Variants in CPNE2 observed in about 807,000 individuals in gnomAD.
CPNE2 encodes copine-2.
Under a neutral mutation model 69.7 loss-of-function variants are expected in CPNE2, and 42 were observed. That is an observed-to-expected ratio of 0.60 (90% CI 0.47 to 0.78). The LOEUF (loss-of-function observed/expected upper bound fraction) is 0.78, where lower values mean the gene tolerates loss of function less well. Ranked by LOEUF, CPNE2 falls within the 30% of genes least tolerant of loss-of-function variation. CPNE2 has a pLI of 0.00. For missense variants in CPNE2, 587 were observed against 732.0 expected, an observed-to-expected ratio of 0.80 and a Z score of 2.29; for synonymous variants, 294 against 289.8, an observed-to-expected ratio of 1.01 and a Z score of -0.15.
chr16:57,097,938 CCAGG>C (rs1441260135), intron 1 of CPNE2, among the ~76,000 whole-genome samples: 1 of 152,168 alleles, frequency 6.6e-6, no homozygotes, highest in Non-Finnish European at 1.5e-5. Flanking sequence ...GAGCTGAGGC[CCAGG>C]AGGGAGGAGT....
chr16:57,126,051 C>T, intron 11 of CPNE2, 58 bp downstream of exon 11: 1 of 1,601,966 alleles, frequency 6.2e-7, no homozygotes, highest in Non-Finnish European at 8.5e-7. Context: ...CTGGGAAGCT[C>T]AGTGTATCAA....
intron 5 of CPNE2, among the ~76,000 whole-genome samples, chr16:57,117,960 C>G (rs978727683): frequency 1.3e-5 from 2 of 152,056 alleles, no homozygotes; most frequent in Non-Finnish European, 1.5e-5. Context: ...AAACGAGGCA[C>G]TCTCCTCCCT....
In CPNE2 at chr16:57,125,186, G is replaced by A. The variant is rs534487286; in HGVS notation, c.928-674G>A. 3.8e-5 allele frequency: 16 copies of A among 418,438 alleles called. No individual in the cohort carries two copies. The East Asian group carries it at 7.9e-4, about 21-fold the overall frequency. 25.9% of individuals were successfully genotyped at this position (418,438 alleles called of 1,614,324 possible). Reference sequence around the variant, plus strand: ...CCAGGGATTGGGCTGGGATTCTCTGGGGCTGAGAGAGCAGGTAGAGCCCTA... The same window carrying A: ...CCAGGGATTGGGCTGGGATTCTCTGAGGCTGAGAGAGCAGGTAGAGCCCTA... On this transcript the variant is annotated intron_variant, in intron 10 of 15. Transcript: ENST00000290776.
At chr16:57,114,083 A>T (rs1300521984) in intron 3 of CPNE2, among the ~76,000 whole-genome samples, 2 of 152,190 alleles carry the variant, frequency 1.3e-5, no homozygotes, top group Non-Finnish European at 2.9e-5. Context: ...CCTAGTGGAG[A>T]CTGAAATGCC....
At position 57,121,720 on chromosome 16, in the gene CPNE2, A is replaced by G; in HGVS notation, c.827A>G (p.Asn276Ser). The G allele has an allele frequency of 6.2e-7, 1 of 1,614,224 alleles. No individual in the cohort carries two copies. Among genetic ancestry groups the G allele is most frequent in the Non-Finnish European group, 8.5e-7 (1 of 1,180,034 alleles). ...CCCAAGAAGCAGAGGAAGAAGAAGA[A>G]CTATAAAAACTCGGGCATCATCATC... ...INPKKQRKKK[N>S]YKNSGIIILR... Residue 276 changes from asparagine to serine, a missense_variant, in exon 9 of 16, where the codon AAC becomes AGC. Coordinates refer to ENST00000290776, the MANE Select transcript of CPNE2 (RefSeq NM_152727.6).
At chr16:57,121,959 G>T (rs2069766010) in intron 9 of CPNE2, among the ~76,000 whole-genome samples, 199 bp downstream of exon 9, 1 of 152,252 alleles carries the variant, frequency 6.6e-6, no homozygotes, top group South Asian at 2.1e-4. Flanking sequence ...TAACGAGGCA[G>T]AGCATGTCCA....
intron 1 of CPNE2, among the ~76,000 whole-genome samples, chr16:57,102,795 T>G (rs2069622801): frequency 6.6e-6 from 1 of 151,922 alleles, no homozygotes; most frequent in Non-Finnish European, 1.5e-5. Context: ...AGAGATGGGG[T>G]TTCACCTTGT....
chr16:57,122,647 C>T (rs1284248209), intron 9 of CPNE2, among the ~76,000 whole-genome samples: 1 of 152,196 alleles, frequency 6.6e-6, no homozygotes, highest in Non-Finnish European at 1.5e-5. Flanking sequence ...GGCTGGAGTG[C>T]AGTGGCGTGA....
chr16:57,114,803 A>AATAG (rs111730592), intron 3 of CPNE2, among the ~76,000 whole-genome samples: 49,843 of 151,566 alleles, frequency 0.33, 8,347 homozygotes, highest in Middle Eastern at 0.44. Context: ...AACCAATAAA[A>AATAG]ATAGAAAGAA....
chr16:57,121,794 C>T, intron 9 of CPNE2, 34 bp downstream of exon 9: 1 of 1,593,000 alleles, frequency 6.3e-7, no homozygotes, highest in Non-Finnish European at 8.6e-7. Flanking sequence ...AGCCAGGGGC[C>T]AGGTTTCAGG....
rs1177873197 is a variant in CPNE2 at position 57,113,307 on chromosome 16, C to T, written c.200C>T (p.Ala67Val). 10 of 1,613,830 alleles carry T rather than the reference C, an allele frequency of 6.2e-6. No individual in the cohort carries two copies. Among genetic ancestry groups the T allele is most frequent in the South Asian group, 3.3e-5 (3 of 91,070 alleles). ...RWIEYDRTET[A>V]INNLNPAFSK... ...TGCTAGTACGACAGGACAGAAACCG[C>T]GATCAACAACCTCAACCCCGCCTTC... The change falls in exon 3 of 16, where the codon GCG becomes GTG. Residue 67 changes from alanine (A) to valine (V), a missense_variant. Transcript: ENST00000290776.
chr16:57,104,546 TG>T (rs2145238412), intron 1 of CPNE2, among the ~76,000 whole-genome samples: 1 of 152,270 alleles, frequency 6.6e-6, no homozygotes, highest in East Asian at 1.9e-4. Flanking sequence ...GGGCTGCTGA[TG>T]ATGGAGCCTG....
chr16:57,125,828 C>A, intron 10 of CPNE2, 32 bp from the exon 11 acceptor site: 1 of 1,613,334 alleles, frequency 6.2e-7, no homozygotes, highest in South Asian at 1.1e-5. Flanking sequence ...GGTCTCTGGC[C>A]CCACTGGGTG....
chr16:57,125,625 T>C, intron 10 of CPNE2: 1 of 564,528 alleles, frequency 1.8e-6, no homozygotes, highest in Non-Finnish European at 3.2e-6. Context: ...TAGTCTCTTA[T>C]GTCATCACAT....
chr16:57,120,626 G>C (rs2069754958), intron 7 of CPNE2, among the ~76,000 whole-genome samples: 1 of 152,086 alleles, frequency 6.6e-6, no homozygotes, highest in Non-Finnish European at 1.5e-5. Context: ...TGAGACTTTG[G>C]GCAGGTACAT....
At chr16:57,112,486 C>T (rs1430475158) in intron 2 of CPNE2, among the ~76,000 whole-genome samples, 1 of 152,088 alleles carries the variant, frequency 6.6e-6, no homozygotes, top group Non-Finnish European at 1.5e-5. Context: ...AGGGCCAAGA[C>T]CTCCTCCGTC....
At position 57,146,356 on chromosome 16, in the gene CPNE2, C is replaced by A; in HGVS notation, c.1539+35C>A. On this transcript the variant is annotated intron_variant, in intron 15 of 15. Transcript: ENST00000290776. This position sits in a 1 kb window ranked among gnomAD's most constrained non-coding sequence, Gnocchi z 4.4. ...GGCCTGGGCTGGGAGGGGGCGGTTA[C>A]AGGATCCCAGCCACCATAGCTCATA... The A allele has an allele frequency of 6.7e-7, 1 of 1,493,714 alleles. No individual in the cohort carries two copies. Among genetic ancestry groups the A allele is most frequent in the South Asian group, 1.3e-5 (1 of 77,994 alleles). The allele number at this position is 1,493,714 out of a possible 1,614,324, so 92.5% of individuals were successfully genotyped here.
In CPNE2 at chr16:57,146,412, C is replaced by G. The variant is rs1203941881; in HGVS notation, c.1539+91C>G. Reference sequence around the variant, plus strand: ...GCTTGAGAGTCTTGGGGTTGTCTGGCCCAATCCTAGACTTCTCCACTCCAT... The same window carrying G: ...GCTTGAGAGTCTTGGGGTTGTCTGGGCCAATCCTAGACTTCTCCACTCCAT... On this transcript the variant is annotated intron_variant, in intron 15 of 15. Coordinates refer to ENST00000290776, the MANE Select transcript of CPNE2 (RefSeq NM_152727.6). This position sits in a 1 kb window ranked among gnomAD's most constrained non-coding sequence, Gnocchi z 4.4. 1 of 1,150,098 alleles carries G rather than the reference C, an allele frequency of 8.7e-7. No individual in the cohort carries two copies. The highest frequency in any genetic ancestry group is 1.2e-6 in the Non-Finnish European group (1 of 810,982). The allele number at this position is 1,150,098 out of a possible 1,614,324, so 71.2% of individuals were successfully genotyped here. A position where few individuals can be genotyped will look rare whatever the true frequency, so the allele number is the denominator to read the frequency against.
At chr16:57,123,529 T>G (rs562163888) in intron 10 of CPNE2, 56 bp downstream of exon 10, 2 of 1,578,448 alleles carry the variant, frequency 1.3e-6, no homozygotes, top group South Asian at 2.2e-5. Flanking sequence ...GGGTCCTCCC[T>G]GAAGACTTGG....
Sources: allele counts gnomAD v4.1 joint callset (sites outside exome capture counted in the v4.1 genomes callset), GRCh38; gene constraint gnomAD v4.1.1; non-coding constraint Gnocchi (gnomAD v3.1); transcripts MANE v1.5; gene names NCBI Gene and HGNC (gene_info 2026-07-23, HGNC 2026-07-21).